The following SLC22A17 variants were observed in gnomAD, a reference collection of about 807,000 sequenced individuals.
The protein encoded by SLC22A17 is 24p3 receptor.
Under a neutral mutation model 53.6 loss-of-function variants are expected in SLC22A17, and 38 were observed. The observed-to-expected ratio is 0.71, with a 90% CI of 0.55 to 0.93. SLC22A17 has a LOEUF of 0.93. Among genes scored for constraint, SLC22A17 ranks in the 40% least tolerant of loss-of-function variants. The probability of loss-of-function intolerance (pLI) is 0.00; values close to 1 mark genes in which losing one functional copy is unlikely to be tolerated. For synonymous variants in SLC22A17, 379 were observed against 353.0 expected, an observed-to-expected ratio of 1.07 and a Z score of -0.82; for missense variants, 704 against 791.0, an observed-to-expected ratio of 0.89 and a Z score of 1.32.
chr14:23,350,123 G>A (rs1307760587), intron 3 of SLC22A17, among the ~76,000 whole-genome samples: 2 of 152,098 alleles, frequency 1.3e-5, no homozygotes, highest in East Asian at 3.9e-4. Flanking sequence ...GACAAATATG[G>A]TGAAACCCCA....
In SLC22A17 at chr14:23,348,578, G is replaced by T. The variant is rs1334298521; in HGVS notation, c.953C>A (p.Ala318Asp). The change falls in exon 5 of 10, where the codon GCC becomes GAC. Residue 318 changes from alanine to aspartate, a missense_variant. Around this residue, in one of 4 missense-constraint regions of SLC22A17, gnomAD observed 435 missense variants for 529.0 expected, o/e 0.82. Transcript: ENST00000397267. The surrounding 1 kb of genome is among the most constrained non-coding windows in gnomAD (Gnocchi z 4.5). The stretch of plus-strand genomic sequence containing the variant: ...GAATCGCCAATCCTTAGAGACAAGG[G>T]CCAGGCCCAGGAACAGGAAGTGCCC... The T allele has an allele frequency of 6.2e-7, 1 of 1,613,966 alleles. No homozygotes were observed. The highest frequency in any genetic ancestry group is 8.5e-7 in the Non-Finnish European group (1 of 1,179,980).
chr14:23,352,605 T>C lies in SLC22A17; in HGVS notation c.96+41A>G. 2.4e-6 allele frequency: 1 copy of C among 414,096 alleles called. No homozygotes were observed. The highest frequency in any genetic ancestry group is 4.3e-5 in the Admixed American group (1 of 23,248). The allele number at this position is 414,096 out of a possible 1,614,324, so 25.7% of individuals were successfully genotyped here. On this transcript the variant is annotated intron_variant, in intron 1 of 9. Coordinates refer to ENST00000397267, the Ensembl canonical transcript of SLC22A17. This position sits in a 1 kb window ranked among gnomAD's most constrained non-coding sequence, Gnocchi z 7.2. ...AGACGCTCCGCGGGGGCGGGGGTGC[T>C]GGGAGAGGATGGCGTCGCCACCTGG...
rs1330875817 is a variant in SLC22A17, at chr14:23,352,331, C to T, written c.217G>A (p.Val73Met). The T allele has an allele frequency of 5.9e-6, 7 of 1,196,408 alleles. No homozygotes were observed. In the Admixed American group the frequency reaches 1.5e-4, roughly 25 times the overall value. 74.1% of individuals were successfully genotyped at this position (1,196,408 alleles called of 1,614,324 possible). ...TCAAAGCTGAGGGGGCCTGGGGGCACGGCCAGCGACAGGCTGCTGCCCAGT... is the reference window on the plus strand; with the variant it reads ...TCAAAGCTGAGGGGGCCTGGGGGCATGGCCAGCGACAGGCTGCTGCCCAGT... Residue 73 changes from valine to methionine, a missense_variant, in exon 2 of 10, where the codon GTG becomes ATG. Transcript: ENST00000397267. The surrounding 1 kb of genome is among the most constrained non-coding windows in gnomAD (Gnocchi z 7.2).
At chr14:23,351,708 C>T (rs1348202099) in intron 3 of SLC22A17, 44 bp downstream of exon 3, 2 of 1,557,770 alleles carry the variant, frequency 1.3e-6, no homozygotes, top group Non-Finnish European at 1.7e-6. Context: ...GCTTCCCTAG[C>T]ACCCCCTCCT....
chr14:23,348,508 A>G lies in SLC22A17; in HGVS notation c.1023T>C (p.Tyr341=). 1 of 1,613,608 alleles carries G rather than the reference A, an allele frequency of 6.2e-7. No individual in the cohort carries two copies. The highest frequency in any genetic ancestry group is 8.5e-7 in the Non-Finnish European group (1 of 1,179,688). ...GACAGGTGAAGGGTAATACTGACCCATAAAACAGGAAGAGGATGCAGGGAG... is the reference window on the plus strand; with the variant it reads ...GACAGGTGAAGGGTAATACTGACCCGTAAAACAGGAAGAGGATGCAGGGAG... The change falls in exon 5 of 10, where the codon TAT becomes TAC. Residue 341 remains tyrosine (Y), a splice_region_variant and synonymous_variant. Coordinates refer to ENST00000397267, the Ensembl canonical transcript of SLC22A17. This position sits in a 1 kb window ranked among gnomAD's most constrained non-coding sequence, Gnocchi z 4.5.
At position 23,351,930 on chromosome 14, in the gene SLC22A17, C is replaced by G. The variant is rs773457957; in HGVS notation, c.600+18G>C. 2 of 1,611,436 alleles carry G rather than the reference C, an allele frequency of 1.2e-6. No individual in the cohort carries two copies. Among genetic ancestry groups the G allele is most frequent in the Non-Finnish European group, 1.7e-6 (2 of 1,178,690 alleles). On this transcript the variant is annotated intron_variant, in intron 2 of 9. Coordinates refer to ENST00000397267, the Ensembl canonical transcript of SLC22A17. ...TCTCTGCCCGCCCCCAGACCCGCGGCCCGCCTGGCCGCCTCACCTGGCCGA... is the reference window on the plus strand; with the variant it reads ...TCTCTGCCCGCCCCCAGACCCGCGGGCCGCCTGGCCGCCTCACCTGGCCGA...
chr14:23,351,698 G>A, intron 3 of SLC22A17, 54 bp downstream of exon 3: 1 of 1,515,442 alleles, frequency 6.6e-7, no homozygotes, highest in Non-Finnish European at 9.0e-7. Context: ...GCTTGGGTTA[G>A]CTTCCCTAGC....
chr14:23,351,085 T>C (rs1420183397), intron 3 of SLC22A17: 2 of 152,138 alleles, frequency 1.3e-5, no homozygotes, highest in East Asian at 1.9e-4. Context: ...TTGCTGGGAT[T>C]GGGTTGTTGA....
In SLC22A17 at chr14:23,352,809, G is replaced by C. The variant is rs1467213588; in HGVS notation, c.-68C>G. 2 of 398,422 alleles carry C rather than the reference G, an allele frequency of 5.0e-6. No homozygotes were observed. The highest frequency in any genetic ancestry group is 8.9e-6 in the Non-Finnish European group (2 of 225,688). The allele number at this position is 398,422 out of a possible 1,614,324, so 24.7% of individuals were successfully genotyped here. ...GCGCTGTCCTCTGGCTCAGTTGCGC[G>C]CCGGCTGCCCGGACACAGACAGCTC... On this transcript the variant is annotated 5_prime_UTR_variant, in exon 1 of 10. Coordinates refer to ENST00000397267, the Ensembl canonical transcript of SLC22A17. This position sits in a 1 kb window ranked among gnomAD's most constrained non-coding sequence, Gnocchi z 7.2.
Position 23,348,792 on chromosome 14 carries a change from G to A in SLC22A17, c.860-121C>T. The A allele has an allele frequency of 9.5e-7, 1 of 1,055,256 alleles. No homozygotes were observed. The highest frequency in any genetic ancestry group is 1.3e-6 in the Non-Finnish European group (1 of 749,330). 65.4% of individuals were successfully genotyped at this position (1,055,256 alleles called of 1,614,324 possible). A position where few individuals can be genotyped will look rare whatever the true frequency, so the allele number is the denominator to read the frequency against. ...AGAGGTCAGACCCAGAGTGGAGGCT[G>A]CAGCCATTGCCTCCCTTGCTAACCT... On this transcript the variant is annotated intron_variant, in intron 4 of 9. Transcript: ENST00000397267. The surrounding 1 kb of genome is among the most constrained non-coding windows in gnomAD (Gnocchi z 4.5).
Position 23,347,640 on chromosome 14 carries a change from C to T in SLC22A17, c.1369G>A (p.Gly457Ser), listed in dbSNP as rs767220377. ...AAGACACAGGCCAGGGCTGCGGTGC[C>T]GCTGGCCAGCAGAGAGCACAGGTAG... Residue 457 changes from glycine to serine, a missense_variant, in exon 8 of 10, where the codon GGC becomes AGC. Around this residue, in one of 4 missense-constraint regions of SLC22A17, gnomAD observed 435 missense variants for 529.0 expected, o/e 0.82. Transcript: ENST00000397267. This position sits in a 1 kb window ranked among gnomAD's most constrained non-coding sequence, Gnocchi z 5.1. 25 of 1,614,012 alleles carry T rather than the reference C, an allele frequency of 1.5e-5. No individual in the cohort carries two copies. In the East Asian group the frequency reaches 1.6e-4, roughly 10 times the overall value.
At chr14:23,350,303 CA>C (rs1363120947) in intron 3 of SLC22A17, among the ~76,000 whole-genome samples, 1 of 149,286 alleles carries the variant, frequency 6.7e-6, no homozygotes, top group East Asian at 1.9e-4. Flanking sequence ...GACTCCATCT[CA>C]AAAAGAAAGA....
At chr14:23,351,994 C>A in exon 2 of SLC22A17, 2 of 1,612,710 alleles carry the variant, frequency 1.2e-6, no homozygotes, top group African/African-American at 2.7e-5. Context: ...ATTATAGTCC[C>A]AATCCTTGAG....
At chr14:23,346,451 C>G in exon 10 of SLC22A17, 2 of 659,420 alleles carry the variant, frequency 3.0e-6, no homozygotes, top group Non-Finnish European at 4.9e-6. Flanking sequence ...TCCCTGTCCC[C>G]TGACTCTGGC....
rs17090811 is a variant in SLC22A17, at chr14:23,349,414, G to A, written c.717C>T (p.Arg239=). The change falls in exon 4 of 10, where the codon CGC becomes CGT. Residue 239 remains arginine (R), a synonymous_variant. Coordinates refer to ENST00000397267, the Ensembl canonical transcript of SLC22A17. ...GCCCCAAGGTCAGCAGCACAATCCC[G>A]CGACGGCCAAATCTAGAAAGTGGGA... The A allele has an allele frequency of 1.1e-3, 1,824 of 1,612,390 alleles. 21 individuals carry two copies. In the African/African-American group the frequency reaches 0.022, roughly 19 times the overall value.
Position 23,348,822 on chromosome 14 carries a change from G to T in SLC22A17, c.860-151C>A. The T allele has an allele frequency of 2.4e-6, 2 of 828,174 alleles. No homozygotes were observed. The highest frequency in any genetic ancestry group is 3.7e-6 in the Non-Finnish European group (2 of 545,068). 51.3% of individuals were successfully genotyped at this position (828,174 alleles called of 1,614,324 possible). A position where few individuals can be genotyped will look rare whatever the true frequency, so the allele number is the denominator to read the frequency against. On this transcript the variant is annotated intron_variant, in intron 4 of 9. Transcript: ENST00000397267. The surrounding 1 kb of genome is among the most constrained non-coding windows in gnomAD (Gnocchi z 4.5). Reference sequence around the variant, plus strand: ...CATTGCCTCCCTTGCTAACCTCTGGGTGGCAAGGACTGGGGAGACTGTTCA... The same window carrying T: ...CATTGCCTCCCTTGCTAACCTCTGGTTGGCAAGGACTGGGGAGACTGTTCA...
chr14:23,348,313 G>A lies in SLC22A17; in HGVS notation c.1026-7C>T. Reference sequence around the variant, plus strand: ...CAGGAACAAACCAGGCCAGCTGGGGGCAGGGGGGAAGGGGTATACTGTGAG... The same window carrying A: ...CAGGAACAAACCAGGCCAGCTGGGGACAGGGGGGAAGGGGTATACTGTGAG... On this transcript the variant is annotated splice_polypyrimidine_tract_variant and splice_region_variant and intron_variant, in intron 5 of 9. Coordinates refer to ENST00000397267, the Ensembl canonical transcript of SLC22A17. The surrounding 1 kb of genome is among the most constrained non-coding windows in gnomAD (Gnocchi z 4.5). 1 of 1,613,960 alleles carries A rather than the reference G, an allele frequency of 6.2e-7. No individual in the cohort carries two copies.
At chr14:23,346,936 C>A in exon 10 of SLC22A17, 1 of 1,530,798 alleles carries the variant, frequency 6.5e-7, no homozygotes, top group East Asian at 2.4e-5. Context: ...GGCCACGGCC[C>A]CTGGGGGGAG....
Position 23,348,444 on chromosome 14 carries a change from C to A in SLC22A17, c.1025+62G>T. 6.3e-7 allele frequency: 1 copy of A among 1,591,674 alleles called. No homozygotes were observed. Among genetic ancestry groups the A allele is most frequent in the Non-Finnish European group, 8.6e-7 (1 of 1,166,896 alleles). On this transcript the variant is annotated intron_variant, in intron 5 of 9. Coordinates refer to ENST00000397267, the Ensembl canonical transcript of SLC22A17. This position sits in a 1 kb window ranked among gnomAD's most constrained non-coding sequence, Gnocchi z 4.5. ...TTGGAGAAGAGGAGGGGTCTCCGGG[C>A]TAGGGCTAGTTTGGAGGCAGAGATG...
Sources: allele counts gnomAD v4.1 joint callset (sites outside exome capture counted in the v4.1 genomes callset), GRCh38; gene constraint gnomAD v4.1.1; regional missense constraint gnomAD v4.1.1; non-coding constraint Gnocchi (gnomAD v3.1); transcripts MANE v1.5; gene names NCBI Gene and HGNC (gene_info 2026-07-23, HGNC 2026-07-21).